The following EDN1 variants were observed in gnomAD, a reference collection of about 807,000 sequenced individuals.
EDN1 encodes the protein endothelin-1.
Under a neutral mutation model 21.7 loss-of-function variants are expected in EDN1, and 11 were observed. That is an observed-to-expected ratio of 0.51 (90% CI 0.32 to 0.84). The LOEUF (loss-of-function observed/expected upper bound fraction) is 0.84, where lower values mean the gene tolerates loss of function less well. EDN1 is among the 40% of genes least tolerant of loss of function. EDN1 has a pLI of 0.03. For missense variants in EDN1, 244 were observed against 262.3 expected, an observed-to-expected ratio of 0.93 and a Z score of 0.48; for synonymous variants, 85 against 90.6, an observed-to-expected ratio of 0.94 and a Z score of 0.35.
At chr6:12,234,308 A>G in the EDN1 span, among the ~76,000 whole-genome samples, 2 of 152,232 alleles carry the variant, frequency 1.3e-5, no homozygotes, top group South Asian at 4.1e-4. Flanking sequence ...CCTGGAAGCA[A>G]GAACCCCCAA....
At chr6:12,279,710 GA>G in the EDN1 span, among the ~76,000 whole-genome samples, 2 of 152,052 alleles carry the variant, frequency 1.3e-5, no homozygotes, top group African/African-American at 2.4e-5. Context: ...AACTGAATAG[GA>G]AAAAAACTAT....
At chr6:12,253,788 G>A in the EDN1 span, among the ~76,000 whole-genome samples, 1 of 152,076 alleles carries the variant, frequency 6.6e-6, no homozygotes, top group East Asian at 1.9e-4. Flanking sequence ...CTAAGTGAGG[G>A]TATTGTCCTA....
the EDN1 span, among the ~76,000 whole-genome samples, chr6:12,238,650 A>C: frequency 1.6e-4 from 24 of 152,216 alleles, no homozygotes; most frequent in Admixed American, 1.6e-3. Context: ...ATGGACATCT[A>C]GTTATCGTAG....
chr6:12,286,345 T>C (rs1448065799), upstream of EDN1, among the ~76,000 whole-genome samples: 2 of 152,360 alleles, frequency 1.3e-5, no homozygotes, highest in South Asian at 2.1e-4. Flanking sequence ...TTTTGGACTA[T>C]AGGGAGAAGC....
At chr6:12,245,016 G>A in the EDN1 span, among the ~76,000 whole-genome samples, 302 of 152,258 alleles carry the variant, frequency 2.0e-3, 2 homozygotes, top group African/African-American at 6.6e-3. Context: ...ATCAATGTAC[G>A]AGAACTGTCT....
At chr6:12,274,763 T>C in the EDN1 span, among the ~76,000 whole-genome samples, 1 of 152,020 alleles carries the variant, frequency 6.6e-6, no homozygotes, top group African/African-American at 2.4e-5. Flanking sequence ...AGATCAGAGC[T>C]AACTGTCCGA....
chr6:12,258,449 C>CAAAAAAAAA, the EDN1 span, among the ~76,000 whole-genome samples: 66 of 63,658 alleles, frequency 1.0e-3, 3 homozygotes, highest in Non-Finnish European at 1.3e-3. Flanking sequence ...GATCATGTCT[C>CAAAAAAAAA]AAAAAAAAAA....
chr6:12,236,601 A>T, the EDN1 span, among the ~76,000 whole-genome samples: 1 of 152,174 alleles, frequency 6.6e-6, no homozygotes, highest in African/African-American at 2.4e-5. Context: ...TTTTCACTTT[A>T]AAAAGGGAGC....
the EDN1 span, among the ~76,000 whole-genome samples, chr6:12,273,918 A>C: frequency 2.6e-5 from 4 of 152,190 alleles, no homozygotes; most frequent in African/African-American, 7.2e-5. Flanking sequence ...ATAAAACAGC[A>C]GTCTCTGTTA....
the EDN1 span, among the ~76,000 whole-genome samples, chr6:12,241,970 TG>T: frequency 2.0e-5 from 3 of 152,220 alleles, no homozygotes; most frequent in Non-Finnish European, 4.4e-5. Context: ...ATAAAAGGCT[TG>T]GGGGAAGGAA....
At chr6:12,243,817 A>G in the EDN1 span, among the ~76,000 whole-genome samples, 2 of 152,232 alleles carry the variant, frequency 1.3e-5, no homozygotes, top group African/African-American at 4.8e-5. Flanking sequence ...ATTCACTAAC[A>G]TATAACATTC....
At chr6:12,283,913 T>C in the EDN1 span, among the ~76,000 whole-genome samples, 5 of 152,228 alleles carry the variant, frequency 3.3e-5, no homozygotes, top group Non-Finnish European at 7.3e-5. Context: ...TGCTACCCTT[T>C]AGAACCTCCA....
At chr6:12,283,444 A>G in the EDN1 span, among the ~76,000 whole-genome samples, 1 of 152,192 alleles carries the variant, frequency 6.6e-6, no homozygotes, top group Non-Finnish European at 1.5e-5. Context: ...TCCAAGTCCA[A>G]AAGGAGATTT....
At chr6:12,272,452 CTTTTTTTTTT>C in the EDN1 span, among the ~76,000 whole-genome samples, 2 of 106,812 alleles carry the variant, frequency 1.9e-5, no homozygotes, top group African/African-American at 7.4e-5. Context: ...GAGTCATACT[CTTTTTTTTTT>C]TTTTTTTTTT....
intron 4 of EDN1, among the ~76,000 whole-genome samples, chr6:12,294,638 A>G (rs1561695464): frequency 1.3e-5 from 2 of 152,222 alleles, no homozygotes; most frequent in Admixed American, 6.5e-5. Flanking sequence ...CTTTTAGCAC[A>G]TACCATTTCA....
At chr6:12,253,530 A>G in the EDN1 span, among the ~76,000 whole-genome samples, 1 of 152,208 alleles carries the variant, frequency 6.6e-6, no homozygotes, top group South Asian at 2.1e-4. Context: ...TGAGTGAAAA[A>G]GGGATAAATA....
the EDN1 span, among the ~76,000 whole-genome samples, chr6:12,257,288 T>A: frequency 1.3e-5 from 2 of 152,336 alleles, no homozygotes; most frequent in South Asian, 4.1e-4. Flanking sequence ...GTATGCATTT[T>A]ACTAGAAAAA....
chr6:12,256,503 G>T, the EDN1 span, among the ~76,000 whole-genome samples: 1 of 152,250 alleles, frequency 6.6e-6, no homozygotes, highest in African/African-American at 2.4e-5. Flanking sequence ...AATAACAAGA[G>T]AGAGCAACAA....
the EDN1 span, among the ~76,000 whole-genome samples, chr6:12,233,244 A>G: frequency 5.9e-5 from 9 of 151,988 alleles, no homozygotes; most frequent in Non-Finnish European, 4.4e-5. Context: ...GATCTTTTCC[A>G]TTTTGCTTGT....
Sources: gnomAD v4.1 joint callset for allele counts (sites outside exome capture counted in the v4.1 genomes callset) on GRCh38, gnomAD v4.1.1 for gene constraint, MANE v1.5 for transcripts, NCBI Gene and HGNC (gene_info 2026-07-23, HGNC 2026-07-21) for gene names.